The following RSPO2 variants were observed in gnomAD, a reference collection of about 807,000 sequenced individuals.
The protein encoded by RSPO2 is R-spondin 2, also known as R-spondin-2.
Under a neutral mutation model 30.9 loss-of-function variants are expected in RSPO2, and 14 were observed. That is an observed-to-expected ratio of 0.45 (90% CI 0.30 to 0.71). The LOEUF (loss-of-function observed/expected upper bound fraction) is 0.71. RSPO2 is among the 30% of genes least tolerant of loss of function. The pLI, the probability that RSPO2 is intolerant of heterozygous loss-of-function variation, is 0.08. For missense variants in RSPO2, 264 were observed against 301.9 expected (o/e 0.87, Z 0.93); for synonymous variants, 107 against 96.4 (o/e 1.11, Z -0.64).
intron 2 of RSPO2, among the ~76,000 whole-genome samples, chr8:108,006,976 T>G (rs1472085659): frequency 6.6e-6 from 1 of 152,194 alleles, no homozygotes; most frequent in Non-Finnish European, 1.5e-5. Context: ...ATGTACCTTC[T>G]AAAAATAAGA....
At chr8:108,005,727 G>A (rs979585406) in intron 2 of RSPO2, among the ~76,000 whole-genome samples, 5 of 152,144 alleles carry the variant, frequency 3.3e-5, no homozygotes, top group African/African-American at 7.2e-5. Flanking sequence ...AGAAGGAGGA[G>A]ATGCAATTTA....
At chr8:108,001,109 G>A (rs1195461539) in intron 2 of RSPO2, among the ~76,000 whole-genome samples, 2 of 150,888 alleles carry the variant, frequency 1.3e-5, no homozygotes, top group African/African-American at 2.4e-5. Context: ...GGAGAATGGC[G>A]TGAACCCAGG....
intron 3 of RSPO2, among the ~76,000 whole-genome samples, chr8:107,984,783 C>T (rs1455317379): frequency 6.6e-6 from 1 of 151,978 alleles, no homozygotes; most frequent in African/African-American, 2.4e-5. Context: ...AATAGTGTTG[C>T]CATGAATAAT....
chr8:107,903,392 A>G (rs1057177044), intron 5 of RSPO2, among the ~76,000 whole-genome samples: 1 of 152,138 alleles, frequency 6.6e-6, no homozygotes, highest in African/African-American at 2.4e-5. Flanking sequence ...TTAAATATGT[A>G]CTACTTTCAC....
At chr8:107,991,774 CAT>C (rs1457143155) in intron 2 of RSPO2, among the ~76,000 whole-genome samples, 1 of 152,108 alleles carries the variant, frequency 6.6e-6, no homozygotes, top group Non-Finnish European at 1.5e-5. Context: ...GGCCAACAAT[CAT>C]ATGAAAAAAC....
Position 107,960,729 on chromosome 8 carries a change from G to A in RSPO2, c.372C>T (p.Cys124=). ...KVGFYLHRGR[C]FDECPDGFAP... ...CAAAACCATCTGGACATTCATCAAAGCAACGGCCTCTATGCAAATAAAAGC... is the reference window on the plus strand; with the variant it reads ...CAAAACCATCTGGACATTCATCAAAACAACGGCCTCTATGCAAATAAAAGC... Residue 124 remains cysteine, a synonymous_variant, in exon 4 of 6, where the codon TGC becomes TGT. Transcript: ENST00000276659. 1 of 1,613,534 alleles carries A rather than the reference G, an allele frequency of 6.2e-7. No individual in the cohort carries two copies. The highest frequency in any genetic ancestry group is 8.5e-7 in the Non-Finnish European group (1 of 1,179,702).
At chr8:108,020,412 A>G (rs1452787518) in intron 2 of RSPO2, among the ~76,000 whole-genome samples, 1 of 152,168 alleles carries the variant, frequency 6.6e-6, no homozygotes, top group Non-Finnish European at 1.5e-5. Context: ...AAATCCTATC[A>G]CTTCGGCTGT....
chr8:108,045,125 A>G (rs1811873673), intron 2 of RSPO2, among the ~76,000 whole-genome samples: 1 of 152,170 alleles, frequency 6.6e-6, no homozygotes, highest in Admixed American at 6.5e-5. Flanking sequence ...GACACTATCA[A>G]CAGAGTAAAC....
At chr8:108,044,396 T>A (rs73307343) in intron 2 of RSPO2, among the ~76,000 whole-genome samples, 3,862 of 152,180 alleles carry the variant, frequency 0.025, 154 homozygotes, top group African/African-American at 0.086. Flanking sequence ...CTCTGTGCAC[T>A]CTCAGAGTCC....
intron 3 of RSPO2, among the ~76,000 whole-genome samples, chr8:107,964,961 G>A (rs1474686576): frequency 2.6e-5 from 4 of 152,126 alleles, no homozygotes; most frequent in Admixed American, 6.5e-5. Flanking sequence ...TAGCCACTGT[G>A]TTAACAGTTT....
intron 2 of RSPO2, among the ~76,000 whole-genome samples, chr8:108,014,572 T>C (rs557460449): frequency 6.6e-5 from 10 of 152,228 alleles, no homozygotes; most frequent in African/African-American, 2.4e-4. Flanking sequence ...GAAACCATCA[T>C]TCTCAGCAAA....
chr8:107,995,139 C>T (rs1200491814), intron 2 of RSPO2, among the ~76,000 whole-genome samples: 1 of 152,098 alleles, frequency 6.6e-6, no homozygotes, highest in Non-Finnish European at 1.5e-5. Context: ...CACATCTATT[C>T]TAGGACTCTT....
chr8:107,952,391 C>A (rs1181054167), intron 5 of RSPO2, among the ~76,000 whole-genome samples: 1 of 152,102 alleles, frequency 6.6e-6, no homozygotes, highest in Admixed American at 6.6e-5. Flanking sequence ...ATGACTAACA[C>A]AAATCATTGA....
At chr8:108,021,831 G>T (rs780840557) in intron 2 of RSPO2, among the ~76,000 whole-genome samples, 2 of 152,008 alleles carry the variant, frequency 1.3e-5, no homozygotes, top group Non-Finnish European at 2.9e-5. Flanking sequence ...TGCATGTGGG[G>T]CTTAAAACCT....
intron 5 of RSPO2, among the ~76,000 whole-genome samples, chr8:107,952,038 C>A (rs187156211): frequency 3.2e-4 from 49 of 152,156 alleles, no homozygotes; most frequent in African/African-American, 1.1e-3. Flanking sequence ...TATCCTCTGC[C>A]TACTTTCAGG....
At chr8:107,909,427 T>C (rs774948325) in intron 5 of RSPO2, among the ~76,000 whole-genome samples, 2 of 152,172 alleles carry the variant, frequency 1.3e-5, no homozygotes, top group East Asian at 1.9e-4. Flanking sequence ...CATGCCTGGA[T>C]ACTTTTTGTA....
chr8:107,922,648 A>G (rs1464710305), intron 5 of RSPO2, among the ~76,000 whole-genome samples: 5 of 152,188 alleles, frequency 3.3e-5, no homozygotes, highest in Non-Finnish European at 5.9e-5. Flanking sequence ...GGCAATCCTA[A>G]GCAAAAAGAA....
At chr8:108,072,883 T>G (rs1174532902) in intron 2 of RSPO2, 1 of 152,242 alleles carries the variant, frequency 6.6e-6, no homozygotes, top group Non-Finnish European at 1.5e-5. Flanking sequence ...TTGGGAAGTA[T>G]TAATTTGCAG....
At chr8:108,005,408 G>A (rs1266255543) in intron 2 of RSPO2, among the ~76,000 whole-genome samples, 5 of 151,986 alleles carry the variant, frequency 3.3e-5, no homozygotes, top group Admixed American at 6.6e-5. Context: ...GATGATTTTT[G>A]CCTAAATAAA....
Sources: allele counts gnomAD v4.1 joint callset (sites outside exome capture counted in the v4.1 genomes callset), GRCh38; gene constraint gnomAD v4.1.1; transcripts MANE v1.5; gene names NCBI Gene and HGNC (gene_info 2026-07-23, HGNC 2026-07-21).